Variants in KLHL1 observed in about 807,000 individuals in gnomAD.
The protein encoded by KLHL1 is kelch-like protein 1.
Under a neutral mutation model 77.7 loss-of-function variants are expected in KLHL1, and 47 were observed. The ratio of observed to expected loss-of-function variants is 0.60; its 90% CI spans 0.48 to 0.77. The LOEUF (loss-of-function observed/expected upper bound fraction) is 0.77. Ranked by LOEUF, KLHL1 falls within the 30% of genes least tolerant of loss-of-function variation. KLHL1 has a pLI of 0.00. For synonymous variants in KLHL1, 360 were observed against 325.2 expected (o/e 1.11, Z -1.15); for missense variants, 925 against 910.8 (o/e 1.02, Z -0.20).
chr13:69,784,381 C>T (rs573681988), intron 7 of KLHL1, among the ~76,000 whole-genome samples: 1 of 152,170 alleles, frequency 6.6e-6, no homozygotes, highest in Non-Finnish European at 1.5e-5. Context: ...TTAAAAGACA[C>T]AGACTAGCAA....
At chr13:69,996,059 C>G (rs1360847330) in intron 1 of KLHL1, among the ~76,000 whole-genome samples, 1 of 152,098 alleles carries the variant, frequency 6.6e-6, no homozygotes, top group East Asian at 1.9e-4. Flanking sequence ...AATCCCAGCA[C>G]TTTGGGAGGT....
intron 6 of KLHL1, among the ~76,000 whole-genome samples, chr13:69,822,991 A>G (rs1172790803): frequency 6.6e-6 from 1 of 152,150 alleles, no homozygotes; most frequent in Non-Finnish European, 1.5e-5. Flanking sequence ...TTCAGGATAA[A>G]CTGTTAAGAC....
intron 6 of KLHL1, among the ~76,000 whole-genome samples, chr13:69,831,149 A>G (rs1398459443): frequency 1.3e-5 from 2 of 150,178 alleles, no homozygotes; most frequent in African/African-American, 2.5e-5. Context: ...TAGATAAGTA[A>G]AACAAAAAGC....
chr13:69,885,679 C>T (rs58522685), intron 4 of KLHL1, among the ~76,000 whole-genome samples: 3,281 of 152,228 alleles, frequency 0.022, 116 homozygotes, highest in African/African-American at 0.074. Flanking sequence ...GGCCTGTATG[C>T]CTTTTGTACA....
chr13:70,066,788 T>C (rs1443375382), intron 1 of KLHL1, among the ~76,000 whole-genome samples: 1 of 152,212 alleles, frequency 6.6e-6, no homozygotes, highest in African/African-American at 2.4e-5. Flanking sequence ...GATTTTTATT[T>C]GTAACCACAA....
rs1491248389 is a variant in KLHL1 at position 69,837,647 on chromosome 13, T to TACAC, written c.1414+1328_1414+1329insGTGT. On this transcript the variant is annotated intron_variant, in intron 6 of 10. Coordinates refer to ENST00000377844, the MANE Select transcript of KLHL1 (RefSeq NM_020866.3). The stretch of plus-strand genomic sequence containing the variant: ...ATGTGTGTGTATATATATATATGTG[T>TACAC]ATATATATATGTGTGTGTGTGTGTA... Among the ~76,000 whole-genome samples, 291 of 121,928 alleles carry TACAC rather than the reference T, an allele frequency of 2.4e-3. 4 individuals carry two copies. The highest frequency in any genetic ancestry group is 0.011 in the African/African-American group (275 of 25,488). The allele number at this position is 121,928 out of a possible 152,430, so 80.0% of individuals were successfully genotyped here. A position where few individuals can be genotyped will look rare whatever the true frequency, so the allele number is the denominator to read the frequency against.
At chr13:69,706,252 C>T (rs1174135548) in intron 10 of KLHL1, among the ~76,000 whole-genome samples, 1 of 151,722 alleles carries the variant, frequency 6.6e-6, no homozygotes, top group African/African-American at 2.4e-5. Context: ...GATATTTCCC[C>T]TTCTTTTCTC....
chr13:69,832,682 C>T (rs1054591267), intron 6 of KLHL1, among the ~76,000 whole-genome samples: 16 of 152,078 alleles, frequency 1.1e-4, no homozygotes, highest in African/African-American at 3.9e-4. Context: ...AATCTAAAGG[C>T]ATCACGTCAC....
At chr13:69,761,947 C>G (rs1202724959) in intron 7 of KLHL1, among the ~76,000 whole-genome samples, 4 of 151,650 alleles carry the variant, frequency 2.6e-5, no homozygotes. Context: ...TTTGTCAAAC[C>G]CATAATTGTT....
At chr13:69,816,045 GGCAATT>G (rs1194425879) in intron 6 of KLHL1, among the ~76,000 whole-genome samples, 1 of 151,734 alleles carries the variant, frequency 6.6e-6, no homozygotes, top group African/African-American at 2.4e-5. Flanking sequence ...TACATAAGCA[GGCAATT>G]AATGTGAATG....
chr13:70,072,093 T>C (rs1269442558), intron 1 of KLHL1, among the ~76,000 whole-genome samples: 3 of 152,014 alleles, frequency 2.0e-5, no homozygotes, highest in African/African-American at 7.3e-5. Context: ...TGCAAATTAC[T>C]AATATCAGAA....
At chr13:69,741,439 A>C (rs1448307775) in intron 7 of KLHL1, among the ~76,000 whole-genome samples, 1 of 152,160 alleles carries the variant, frequency 6.6e-6, no homozygotes, top group Non-Finnish European at 1.5e-5. Flanking sequence ...GACAAATTAG[A>C]CTGCCACAAA....
intron 1 of KLHL1, among the ~76,000 whole-genome samples, chr13:70,027,649 G>GTTTTTTTTTT (rs1185282462): frequency 0.1 from 11,001 of 108,574 alleles, 785 homozygotes; most frequent in East Asian, 0.18. Context: ...CAAAATGTAA[G>GTTTTTTTTTT]TTGTTTTTTT....
intron 5 of KLHL1, among the ~76,000 whole-genome samples, chr13:69,858,605 A>G (rs2138147269): frequency 6.6e-6 from 1 of 152,200 alleles, no homozygotes; most frequent in South Asian, 2.1e-4. Context: ...AAAAACATAA[A>G]CATAGATACA....
At chr13:69,988,091 GC>G (rs1222792587) in intron 1 of KLHL1, among the ~76,000 whole-genome samples, 31 of 150,896 alleles carry the variant, frequency 2.1e-4, no homozygotes, top group African/African-American at 6.8e-4. Flanking sequence ...CTTTTTTTTG[GC>G]GGGGGGAACC....
chr13:69,949,000 T>C (rs1216306480), intron 3 of KLHL1, among the ~76,000 whole-genome samples: 1 of 151,900 alleles, frequency 6.6e-6, no homozygotes, highest in Non-Finnish European at 1.5e-5. Flanking sequence ...TCATAGGTAT[T>C]TTAAAAATAT....
chr13:69,821,315 CT>C (rs944526009), intron 6 of KLHL1, among the ~76,000 whole-genome samples: 1 of 150,936 alleles, frequency 6.6e-6, no homozygotes, highest in African/African-American at 2.4e-5. Context: ...TGTATGTCTT[CT>C]TTTTTTTTCT....
chr13:69,842,306 C>A (rs1232783575), intron 5 of KLHL1, among the ~76,000 whole-genome samples: 1 of 151,466 alleles, frequency 6.6e-6, no homozygotes, highest in African/African-American at 2.4e-5. Context: ...CAAGAGAGGA[C>A]AAATACGCAG....
intron 1 of KLHL1, among the ~76,000 whole-genome samples, chr13:70,050,980 A>C (rs932274676): frequency 6.6e-6 from 1 of 152,004 alleles, no homozygotes; most frequent in African/African-American, 2.4e-5. Context: ...AATTTTAAAA[A>C]GAAATTAGCA....
Sources: allele counts gnomAD v4.1 joint callset (sites outside exome capture counted in the v4.1 genomes callset), GRCh38; gene constraint gnomAD v4.1.1; transcripts MANE v1.5; gene names NCBI Gene and HGNC (gene_info 2026-07-23, HGNC 2026-07-21).